RELN: variants seen among roughly 807,000 people sequenced by gnomAD.
The protein encoded by RELN is reelin.
In RELN, 108 loss-of-function variants were observed where a neutral mutation model predicts 427.6. The observed-to-expected ratio is 0.25, with a 90% CI of 0.22 to 0.30. The LOEUF (loss-of-function observed/expected upper bound fraction) is 0.30. Ranked by LOEUF, RELN falls within the 10% of genes least tolerant of loss-of-function variation. RELN has a pLI of 1.00. For missense variants in RELN, 3,715 were observed against 4,302.8 expected (o/e 0.86, Z 3.82); for synonymous variants, 1,524 against 1,513.4 (o/e 1.01, Z -0.16).
chr7:103,728,742 G>A (rs965467073), intron 6 of RELN, among the ~76,000 whole-genome samples: 1 of 152,024 alleles, frequency 6.6e-6, no homozygotes, highest in Non-Finnish European at 1.5e-5. Flanking sequence ...TGGAGTTATG[G>A]TTAATGTAAA....
At chr7:103,924,985 T>C (rs866959633) in intron 1 of RELN, among the ~76,000 whole-genome samples, 1 of 137,538 alleles carries the variant, frequency 7.3e-6, no homozygotes, top group African/African-American at 2.8e-5. Flanking sequence ...TGCATGCGCA[T>C]ACACATACAC....
At chr7:103,578,359 C>T (rs1336012517) in intron 28 of RELN, among the ~76,000 whole-genome samples, 2 of 152,166 alleles carry the variant, frequency 1.3e-5, no homozygotes, top group East Asian at 1.9e-4. Context: ...AAAGACTAAT[C>T]ATTTGGTTAA....
At chr7:103,987,085 A>C (rs4576361) in intron 1 of RELN, among the ~76,000 whole-genome samples, 1 of 151,794 alleles carries the variant, frequency 6.6e-6, no homozygotes, top group Non-Finnish European at 1.5e-5. Flanking sequence ...AAAAAAAAAA[A>C]AAAAAACTCT....
intron 3 of RELN, among the ~76,000 whole-genome samples, chr7:103,816,530 A>AACACACAC (rs57873981): frequency 0.074 from 10,636 of 143,642 alleles, 474 homozygotes; most frequent in Non-Finnish European, 0.081. Flanking sequence ...TTTCTCTAGA[A>AACACACAC]ACACACACAC....
chr7:103,803,035 T>G (rs1037862891), intron 3 of RELN, among the ~76,000 whole-genome samples: 1 of 152,120 alleles, frequency 6.6e-6, no homozygotes, highest in Non-Finnish European at 1.5e-5. Context: ...TATTTCAAAG[T>G]GAATTTACAT....
chr7:103,499,847 G>C (rs2528878), intron 53 of RELN, among the ~76,000 whole-genome samples: 8,697 of 152,206 alleles, frequency 0.057, 496 homozygotes, highest in African/African-American at 0.15. Context: ...GCTCATGAAA[G>C]AAATTAGATT....
intron 2 of RELN, among the ~76,000 whole-genome samples, chr7:103,889,713 T>G (rs1794803876): frequency 6.6e-6 from 1 of 152,078 alleles, no homozygotes; most frequent in Non-Finnish European, 1.5e-5. Flanking sequence ...ACTGTAAATA[T>G]TGAGGAAGGT....
chr7:103,894,034 A>G (rs752355237), intron 2 of RELN, among the ~76,000 whole-genome samples: 17 of 152,186 alleles, frequency 1.1e-4, no homozygotes, highest in Non-Finnish European at 1.9e-4. Context: ...TCCTATTTCA[A>G]TAACTTCTAA....
chr7:103,852,709 GAATA>G (rs768472198), intron 2 of RELN, among the ~76,000 whole-genome samples: 37 of 151,806 alleles, frequency 2.4e-4, no homozygotes, highest in South Asian at 2.1e-3. Context: ...TTTTTAAATA[GAATA>G]AATTAAATAA....
At chr7:103,753,335 A>C in intron 4 of RELN, 121 bp from the exon 5 acceptor site, 1 of 953,294 alleles carries the variant, frequency 1.0e-6, no homozygotes, top group Non-Finnish European at 1.7e-6. Flanking sequence ...ATGGCTACAG[A>C]CTTTTTAGTC....
chr7:103,541,068 G>A (rs114509540), intron 43 of RELN, among the ~76,000 whole-genome samples: 1 of 152,102 alleles, frequency 6.6e-6, no homozygotes, highest in Non-Finnish European at 1.5e-5. Flanking sequence ...CTGGGGCAGG[G>A]ACCATGAGTG....
rs375131990 is a variant in RELN at position 103,511,333 on chromosome 7, T to C, written c.8120-328A>G. Among the ~76,000 whole-genome samples the C allele has an allele frequency of 2.0e-4, 31 of 152,326 alleles. No individual in the cohort carries two copies. The East Asian group carries it at 4.8e-3, about 24-fold the overall frequency. ...GATATTTAACTTTTTAGATAGCATA[T>C]AAAGAAGTAGAGATGATTTTTAATT... is the stretch of plus-strand genomic sequence containing the variant. On this transcript the variant is annotated intron_variant, in intron 50 of 64. Transcript: ENST00000428762.
rs768836895 is a variant in RELN, at chr7:103,603,371, C to G, written c.3266G>C (p.Gly1089Ala). 1.2e-5 allele frequency: 19 copies of G among 1,613,766 alleles called. No homozygotes were observed. In the East Asian group the frequency reaches 4.0e-4, roughly 34 times the overall value. ...CCCTTGTTCTGGTTTTACAATTTCT[C>G]CCCCAATAACTTCTTGCCAGTCAGA... The part of the protein sequence containing the change: ...WESDWQEVIG[G>A]EIVKPEQGCG... The change falls in exon 24 of 65, where the codon GGA becomes GCA. Residue 1089 changes from glycine to alanine, a missense_variant. Gly to Ala is a moderately conservative substitution (Grantham distance 60, BLOSUM62 0). Coordinates refer to ENST00000428762, the MANE Select transcript of RELN (RefSeq NM_005045.4). The surrounding 1 kb of genome is among the most constrained non-coding windows in gnomAD (Gnocchi z 4.3).
intron 1 of RELN, among the ~76,000 whole-genome samples, chr7:103,960,565 G>C (rs928105116): frequency 3.3e-5 from 5 of 152,060 alleles, no homozygotes; most frequent in Non-Finnish European, 5.9e-5. Flanking sequence ...AAAATATCTG[G>C]CATATTTGAC....
At chr7:103,773,320 CGT>C (rs1491399116) in intron 4 of RELN, among the ~76,000 whole-genome samples, 1 of 52,214 alleles carries the variant, frequency 1.9e-5, no homozygotes, top group Non-Finnish European at 3.3e-5. Context: ...TCGCTCCCTC[CGT>C]CTCTCTCTCT....
At chr7:103,507,638 C>A (rs28773866) in intron 51 of RELN, among the ~76,000 whole-genome samples, 20,497 of 151,956 alleles carry the variant, frequency 0.13, 1,520 homozygotes, top group African/African-American at 0.21. Flanking sequence ...GAAGCAGGAG[C>A]AAACACATTC....
intron 2 of RELN, among the ~76,000 whole-genome samples, chr7:103,852,947 T>A (rs546080591): frequency 6.6e-6 from 1 of 152,038 alleles, no homozygotes; most frequent in African/African-American, 2.4e-5. Context: ...AAGACAAATC[T>A]TTTTAAAAGA....
intron 24 of RELN, among the ~76,000 whole-genome samples, chr7:103,599,545 C>T (rs369257902): frequency 2.0e-4 from 30 of 152,114 alleles, no homozygotes; most frequent in African/African-American, 6.8e-4. Context: ...CTGTGAGACT[C>T]CACATTCTGC....
chr7:103,840,197 A>G (rs1477792588), intron 2 of RELN, among the ~76,000 whole-genome samples: 1 of 152,242 alleles, frequency 6.6e-6, no homozygotes, highest in African/African-American at 2.4e-5. Context: ...AGAATGGACC[A>G]ATACATGGAG....
Sources: allele counts gnomAD v4.1 joint callset (sites outside exome capture counted in the v4.1 genomes callset), GRCh38; gene constraint gnomAD v4.1.1; non-coding constraint Gnocchi (gnomAD v3.1); transcripts MANE v1.5; gene names NCBI Gene and HGNC (gene_info 2026-07-23, HGNC 2026-07-21).